TDRD12: variants seen among roughly 807,000 people sequenced by gnomAD.
TDRD12 encodes tudor domain containing 12.
TDRD12 carries 158 observed loss-of-function variants against 133.5 expected under a neutral mutation model. The ratio of observed to expected loss-of-function variants is 1.18; its 90% confidence interval spans 1.04 to 1.35. The LOEUF (loss-of-function observed/expected upper bound fraction) is 1.35. Among genes scored for constraint, TDRD12 ranks in the 40% most tolerant of loss-of-function variants. The pLI, the probability that TDRD12 is intolerant of heterozygous loss-of-function variation, is 0.00. For missense variants in TDRD12, 1,443 were observed against 1,321.3 expected (o/e 1.09, Z -1.43); for synonymous variants, 460 against 477.9 (o/e 0.96, Z 0.49).
chr19:32,749,836 G>C, exon 6 of TDRD12: 1 of 1,549,950 alleles, frequency 6.5e-7, no homozygotes, highest in Non-Finnish European at 8.7e-7. Flanking sequence ...ATACATTTGA[G>C]GTTTACCTTT....
At chr19:32,727,856 C>T (rs1186693585) in intron 1 of TDRD12, among the ~76,000 whole-genome samples, 3 of 151,978 alleles carry the variant, frequency 2.0e-5, no homozygotes, top group African/African-American at 4.8e-5. Flanking sequence ...TTAGTAGAGA[C>T]GGGATTTCAC....
rs893786544 is a variant in TDRD12 at position 32,731,649 on chromosome 19, C to T, written c.25-76C>T. On this transcript the variant is annotated intron_variant, in intron 1 of 27. Coordinates refer to ENST00000444215, the Ensembl canonical transcript of TDRD12. ...GGTCACTTAAATTAGAAACAGTAAT[C>T]GTGGCTCTAAAGTTTATTTTGTGGT... 16 of 1,292,246 alleles carry T rather than the reference C, an allele frequency of 1.2e-5. No homozygotes were observed. In the African/African-American group the frequency reaches 1.7e-4, roughly 13 times the overall value. 80.0% of individuals were successfully genotyped at this position (1,292,246 alleles called of 1,614,324 possible). A position where few individuals can be genotyped will look rare whatever the true frequency, so the allele number is the denominator to read the frequency against.
At chr19:32,779,174 C>T (rs1970691318) in intron 11 of TDRD12, among the ~76,000 whole-genome samples, 1 of 152,128 alleles carries the variant, frequency 6.6e-6, no homozygotes, top group Non-Finnish European at 1.5e-5. Flanking sequence ...CCCGCATTGC[C>T]GCATCCCCAA....
intron 21 of TDRD12, among the ~76,000 whole-genome samples, chr19:32,803,429 G>C (rs1971457831): frequency 2.0e-5 from 3 of 152,206 alleles, no homozygotes; most frequent in Admixed American, 2.0e-4. Flanking sequence ...CGTCTGTGTT[G>C]TTGTGTGTAT....
intron 11 of TDRD12, among the ~76,000 whole-genome samples, chr19:32,786,692 T>C (rs763063994): frequency 6.6e-6 from 1 of 152,172 alleles, no homozygotes; most frequent in Non-Finnish European, 1.5e-5. Flanking sequence ...ATCACTGATA[T>C]CCTTTCTTCC....
intron 4 of TDRD12, among the ~76,000 whole-genome samples, chr19:32,748,134 C>T (rs1023408775): frequency 1.3e-5 from 2 of 152,164 alleles, no homozygotes; most frequent in African/African-American, 4.8e-5. Flanking sequence ...ACCCCACACT[C>T]AGGATCCCTG....
chr19:32,797,923 T>TA (rs1404111246), intron 15 of TDRD12, 32 bp downstream of exon 15: 1 of 667,234 alleles, frequency 1.5e-6, no homozygotes, highest in Admixed American at 2.4e-5. Flanking sequence ...CTATAAAAGT[T>TA]AAAGTATCCT....
chr19:32,777,289 C>A, intron 11 of TDRD12, 60 bp downstream of exon 11: 1 of 1,042,040 alleles, frequency 9.6e-7, no homozygotes, highest in Non-Finnish European at 1.4e-6. Context: ...AAATTATAAA[C>A]AAGAGAAATC....
intron 27 of TDRD12, among the ~76,000 whole-genome samples, chr19:32,820,341 C>T (rs1028111256): frequency 7.9e-5 from 12 of 152,194 alleles, no homozygotes; most frequent in South Asian, 6.2e-4. Context: ...TTGTCACCCA[C>T]GAGGAAGGGA....
intron 25 of TDRD12, 29 bp downstream of exon 25, chr19:32,813,805 ATTTG>A (rs57367562): frequency 0.19 from 251,229 of 1,307,622 alleles, 25,804 homozygotes; most frequent in African/African-American, 0.32. Context: ...TTAGAAATAA[ATTTG>A]TTTGAATGGG....
At chr19:32,811,038 TTAAA>T (rs1207244268) in intron 23 of TDRD12, among the ~76,000 whole-genome samples, 168 bp from the exon 24 acceptor site, 7 of 152,376 alleles carry the variant, frequency 4.6e-5, no homozygotes, top group Admixed American at 2.6e-4. Context: ...TATGTATACT[TTAAA>T]TAATCCACCA....
rs144400925 is a variant in TDRD12 at position 32,753,211 on chromosome 19, C to G, written c.583-2781C>G. Among the ~76,000 whole-genome samples the G allele has an allele frequency of 9.2e-3, 1,398 of 152,250 alleles. 21 individuals carry two copies. Among genetic ancestry groups the G allele is most frequent in the African/African-American group, 0.032 (1,316 of 41,550 alleles). ...AACTGGGGTGTCATGATTGTAGGTC[C>G]TCTCAGCAGAAAATATTAGGAAATA... On this transcript the variant is annotated intron_variant, in intron 6 of 27. Coordinates refer to ENST00000444215, the Ensembl canonical transcript of TDRD12.
chr19:32,742,859 C>G, exon 4 of TDRD12: 1 of 1,551,772 alleles, frequency 6.4e-7, no homozygotes, highest in Non-Finnish European at 8.7e-7. Flanking sequence ...CAAAGCCTGT[C>G]ACATTACACA....
In TDRD12 at chr19:32,736,234, C is replaced by T. The variant is rs111480744; in HGVS notation, c.184-2622C>T. ...TAAGCTTACTGTTGAGATCTATGCTCAGAAAAAAAGATTCCTTTCAAAATA... is the reference window on the plus strand; with the variant it reads ...TAAGCTTACTGTTGAGATCTATGCTTAGAAAAAAAGATTCCTTTCAAAATA... On this transcript the variant is annotated intron_variant, in intron 2 of 27. Coordinates refer to ENST00000444215, the Ensembl canonical transcript of TDRD12. 4.7e-4 allele frequency among the ~76,000 whole-genome samples: 71 copies of T among 152,174 alleles called. 1 individual carries two copies. The highest frequency in any genetic ancestry group is 1.7e-3 in the African/African-American group (71 of 41,526).
At chr19:32,798,166 G>A in intron 15 of TDRD12, 142 bp from the exon 16 acceptor site, 1 of 705,598 alleles carries the variant, frequency 1.4e-6, no homozygotes, top group Non-Finnish European at 2.3e-6. Context: ...GTTAGATGCT[G>A]GGCATATGGG....
intron 8 of TDRD12, among the ~76,000 whole-genome samples, chr19:32,771,020 C>T (rs1568468566): frequency 1.3e-5 from 2 of 152,096 alleles, no homozygotes; most frequent in Admixed American, 1.3e-4. Flanking sequence ...TTATTTGGCT[C>T]ACAGTTGTGC....
rs542689046 is a variant in TDRD12 at position 32,774,468 on chromosome 19, T to G, written c.1040+936T>G. On this transcript the variant is annotated intron_variant, in intron 10 of 27. Coordinates refer to ENST00000444215, the Ensembl canonical transcript of TDRD12. ...TTGATGAACTCTTTCAGCTTTTTTT[T>G]TTTTAAAAGTATTCATTTTAGGTTC... Among the ~76,000 whole-genome samples, 37 of 152,236 alleles carry G rather than the reference T, an allele frequency of 2.4e-4. 1 individual carries two copies. In the East Asian group the frequency reaches 6.9e-3, roughly 29 times the overall value.
At chr19:32,769,894 C>T (rs1246318710) in intron 8 of TDRD12, among the ~76,000 whole-genome samples, 1 of 152,150 alleles carries the variant, frequency 6.6e-6, no homozygotes, top group African/African-American at 2.4e-5. Context: ...CCTCAGCCTC[C>T]CAAAGTGTTG....
At chr19:32,744,587 G>A (rs1380820601) in intron 4 of TDRD12, among the ~76,000 whole-genome samples, 1 of 149,826 alleles carries the variant, frequency 6.7e-6, no homozygotes, top group Non-Finnish European at 1.5e-5. Context: ...ATATACGTGT[G>A]CCCCGCACCC....
Sources: allele counts gnomAD v4.1 joint callset (sites outside exome capture counted in the v4.1 genomes callset), GRCh38; gene constraint gnomAD v4.1.1; transcripts MANE v1.5; gene names NCBI Gene and HGNC (gene_info 2026-07-23, HGNC 2026-07-21).